RECK: variants seen among roughly 807,000 people sequenced by gnomAD.
The protein encoded by RECK is reversion inducing cysteine rich protein with kazal motifs.
In RECK, 69 loss-of-function variants were observed where a neutral mutation model predicts 115.1. The ratio of observed to expected loss-of-function variants is 0.60; its 90% CI spans 0.49 to 0.73. RECK has a LOEUF of 0.73. Among genes scored for constraint, RECK ranks in the 30% least tolerant of loss-of-function variants. The pLI is 0.00. For missense variants in RECK, 1,047 were observed against 1,203.7 expected, an observed-to-expected ratio of 0.87 and a Z score of 1.93; for synonymous variants, 414 against 419.7, an observed-to-expected ratio of 0.99 and a Z score of 0.17.
chr9:36,107,979 G>T lies in RECK; in HGVS notation c.1580G>T (p.Cys527Phe). Residue 527 changes from cysteine (C) to phenylalanine (F), a missense_variant, in exon 14 of 21, where the codon TGC becomes TTC. Transcript: ENST00000377966. ...PCLPYFCVQG[C>F]KLGEASDFIV... ...CAGCTAATTTTTGCTTGTACAGGTT[G>T]CAAACTGGGAGAAGCTTCTGATTTC... 1.2e-6 allele frequency: 2 copies of T among 1,610,248 alleles called. No homozygotes were observed. The highest frequency in any genetic ancestry group is 1.7e-6 in the Non-Finnish European group (2 of 1,178,302).
At position 36,048,126 on chromosome 9, in the gene RECK, A is replaced by AATATATATATATATATATATATATAT. The variant is rs56726335; in HGVS notation, c.101-4130_101-4105dup. ...TACACACGCACAGACACACAGGTTG[A>AATATATATATATATATATATATATAT]ATATATATATATATATATATATATA... On this transcript the variant is annotated intron_variant, in intron 1 of 20. Transcript: ENST00000377966. Among the ~76,000 whole-genome samples, 80 of 115,312 alleles carry AATATATATATATATATATATATATAT rather than the reference A, an allele frequency of 6.9e-4. 3 individuals are homozygous for AATATATATATATATATATATATATAT. Among genetic ancestry groups the AATATATATATATATATATATATATAT allele is most frequent in the African/African-American group, 2.0e-3 (45 of 22,990 alleles). 75.6% of individuals were successfully genotyped at this position (115,312 alleles called of 152,430 possible).
At chr9:36,092,760 C>T (rs538492600) in intron 10 of RECK, among the ~76,000 whole-genome samples, 9 of 151,812 alleles carry the variant, frequency 5.9e-5, no homozygotes, top group Admixed American at 1.3e-4. Flanking sequence ...CTCATAGGCA[C>T]TTTCAGTTTC....
chr9:36,091,066 G>T, intron 9 of RECK, 98 bp from the exon 10 acceptor site: 3 of 1,069,156 alleles, frequency 2.8e-6, no homozygotes, highest in Non-Finnish European at 4.0e-6. Context: ...TCTCACATAC[G>T]TTCCAAAGTA....
intron 6 of RECK, among the ~76,000 whole-genome samples, chr9:36,066,364 A>G (rs1821997705): frequency 2.0e-5 from 3 of 152,214 alleles, no homozygotes; most frequent in Admixed American, 2.0e-4. Context: ...TTAAGTGCAT[A>G]TATCTCATGC....
Position 36,118,965 on chromosome 9 carries a change from C to A in RECK, c.2462C>A (p.Pro821Gln). 6.2e-7 allele frequency: 1 copy of A among 1,611,806 alleles called. No homozygotes were observed. Among genetic ancestry groups the A allele is most frequent in the Non-Finnish European group, 8.5e-7 (1 of 1,179,530 alleles). Residue 821 changes from proline to glutamine, a missense_variant and splice_region_variant, in exon 18 of 21, where the codon CCG becomes CAG. Pro to Gln is a moderately conservative substitution (Grantham distance 76, BLOSUM62 -1). Transcript: ENST00000377966. ...LAAGCKPIIP[P>Q]GACCPLCAGM... ...GCTGGATGCAAACCCATCATCCCAC[C>A]GGGTAGGCTGGCAGTATCGGGGTGG... is the stretch of plus-strand genomic sequence containing the variant.
chr9:36,119,085 A>T lies in RECK; in HGVS notation c.2464+118A>T, dbSNP rs915404451. 2.8e-5 allele frequency: 28 copies of T among 1,002,786 alleles called. No individual in the cohort carries two copies. In the East Asian group the frequency reaches 4.6e-4, roughly 17 times the overall value. 62.1% of individuals were successfully genotyped at this position (1,002,786 alleles called of 1,614,324 possible). A position where few individuals can be genotyped will look rare whatever the true frequency, so the allele number is the denominator to read the frequency against. ...ACGTTTTTCAGAAAGTCTTGAAGAG[A>T]TTCTTATGCTGATCATACTCACTAC... is the stretch of plus-strand genomic sequence containing the variant. On this transcript the variant is annotated intron_variant, in intron 18 of 20. Transcript: ENST00000377966.
In RECK at chr9:36,052,401, G is replaced by C. The variant is rs368592958; in HGVS notation, c.159+78G>C. 113 of 1,072,876 alleles carry C rather than the reference G, an allele frequency of 1.1e-4. 3 individuals carry two copies. In the South Asian group the frequency reaches 1.4e-3, roughly 13 times the overall value. The allele number at this position is 1,072,876 out of a possible 1,614,324, so 66.5% of individuals were successfully genotyped here. A position where few individuals can be genotyped will look rare whatever the true frequency, so the allele number is the denominator to read the frequency against. On this transcript the variant is annotated intron_variant, in intron 2 of 20. Transcript: ENST00000377966. Reference sequence around the variant, plus strand: ...TAATCCCAGCACTTTGGGAGGCCAGGGTGGGAGGATTGCTTAAGGCCAGGG... The same window carrying C: ...TAATCCCAGCACTTTGGGAGGCCAGCGTGGGAGGATTGCTTAAGGCCAGGG...
At chr9:36,101,314 C>T (rs1823559609) in intron 11 of RECK, among the ~76,000 whole-genome samples, 1 of 152,202 alleles carries the variant, frequency 6.6e-6, no homozygotes, top group African/African-American at 2.4e-5. Flanking sequence ...AAGATAGGAG[C>T]TGCTATAGTG....
At chr9:36,052,385 C>T (rs1379594222) in intron 2 of RECK, 62 bp downstream of exon 2, 14 of 1,275,106 alleles carry the variant, frequency 1.1e-5, no homozygotes, top group Non-Finnish European at 1.6e-5. Flanking sequence ...GTAATCCCAG[C>T]ACTTTGGGAG....
At chr9:36,048,126 A>AATATATATATATATATATATATATATAT (rs56726335) in intron 1 of RECK, among the ~76,000 whole-genome samples, 78 of 115,324 alleles carry the variant, frequency 6.8e-4, no homozygotes, top group South Asian at 2.0e-3. Context: ...ACACAGGTTG[A>AATATATATATATATATATATATATATAT]ATATATATAT....
At chr9:36,115,892 T>G (rs917260034) in intron 16 of RECK, among the ~76,000 whole-genome samples, 1 of 152,198 alleles carries the variant, frequency 6.6e-6, no homozygotes, top group East Asian at 1.9e-4. Flanking sequence ...TAGAAAGTTA[T>G]GTAAACCCTT....
chr9:36,089,764 A>G (rs1823091988), intron 9 of RECK, among the ~76,000 whole-genome samples: 1 of 152,194 alleles, frequency 6.6e-6, no homozygotes, highest in African/African-American at 2.4e-5. Flanking sequence ...TTAGGTATAT[A>G]CAAGTATTCT....
chr9:36,066,861 G>A lies in RECK; in HGVS notation c.405+1237G>A, dbSNP rs1179971612. 4.7e-6 allele frequency: 6 copies of A among 1,287,014 alleles called. No homozygotes were observed. The South Asian group carries it at 7.4e-5, about 16-fold the overall frequency. 79.7% of individuals were successfully genotyped at this position (1,287,014 alleles called of 1,614,324 possible). On this transcript the variant is annotated intron_variant, in intron 6 of 20. Coordinates refer to ENST00000377966, the MANE Select transcript of RECK (RefSeq NM_021111.3). The stretch of plus-strand genomic sequence containing the variant: ...GCCAGTATGTGTTGATGAAGGACAA[G>A]ACAGGAAAGGTAAGAGAGACAAACT...
chr9:36,093,804 G>C (rs1823247276), intron 10 of RECK, among the ~76,000 whole-genome samples: 1 of 152,082 alleles, frequency 6.6e-6, no homozygotes. Flanking sequence ...GCACATTATA[G>C]TCAAACTGTT....
intron 6 of RECK, among the ~76,000 whole-genome samples, chr9:36,078,011 C>T (rs1822520426): frequency 2.0e-5 from 3 of 146,824 alleles, no homozygotes; most frequent in Middle Eastern, 3.5e-3. Flanking sequence ...TAGCAAAACC[C>T]TGTGTCTTAA....
intron 13 of RECK, among the ~76,000 whole-genome samples, chr9:36,106,515 G>A (rs2132659405): frequency 6.6e-6 from 1 of 151,798 alleles, no homozygotes; most frequent in East Asian, 2.0e-4. Flanking sequence ...TGGGATTACA[G>A]GTGTGAGCCA....
Position 36,124,278 on chromosome 9 carries a change from C to T in RECK, c.*1233C>T, listed in dbSNP as rs990073237. On this transcript the variant is annotated 3_prime_UTR_variant, in exon 21 of 21. Coordinates refer to ENST00000377966, the MANE Select transcript of RECK (RefSeq NM_021111.3). ...AGTATTATATGTACCCTCTGAAATA[C>T]ATAGGGATATGCGTATTATACCAAA... The T allele has an allele frequency of 1.3e-5, 2 of 152,582 alleles. No individual in the cohort carries two copies. The highest frequency in any genetic ancestry group is 4.8e-5 in the African/African-American group (2 of 41,416). The allele number at this position is 152,582 out of a possible 1,614,324, so 9.5% of individuals were successfully genotyped here. A position where few individuals can be genotyped will look rare whatever the true frequency, so the allele number is the denominator to read the frequency against.
chr9:36,068,770 A>C (rs1238713433), intron 6 of RECK, among the ~76,000 whole-genome samples: 1 of 152,194 alleles, frequency 6.6e-6, no homozygotes, highest in Non-Finnish European at 1.5e-5. Flanking sequence ...TATTAGGGTG[A>C]CCAGGAAATA....
Position 36,105,000 on chromosome 9 carries a change from G to A in RECK, c.1436-143G>A, listed in dbSNP as rs1324534879. On this transcript the variant is annotated intron_variant, in intron 12 of 20. Coordinates refer to ENST00000377966, the MANE Select transcript of RECK (RefSeq NM_021111.3). ...ATCATTTCACAAATGAAAGAATCTC[G>A]GTGTTTTAATAGCTTGGTAGAATCA... 2.4e-5 allele frequency: 14 copies of A among 582,080 alleles called. No individual in the cohort carries two copies. The East Asian group carries it at 2.4e-4, about 10-fold the overall frequency. The allele number at this position is 582,080 out of a possible 1,614,324, so 36.1% of individuals were successfully genotyped here. A position where few individuals can be genotyped will look rare whatever the true frequency, so the allele number is the denominator to read the frequency against.
Sources: allele counts gnomAD v4.1 joint callset (sites outside exome capture counted in the v4.1 genomes callset), GRCh38; gene constraint gnomAD v4.1.1; transcripts MANE v1.5; gene names NCBI Gene and HGNC (gene_info 2026-07-23, HGNC 2026-07-21).